TENM2: variants seen among roughly 807,000 people sequenced by gnomAD.
TENM2 encodes teneurin transmembrane protein 2.
TENM2 carries 52 observed loss-of-function variants against 245.2 expected under a neutral mutation model. That is an observed-to-expected ratio of 0.21 (90% confidence interval 0.17 to 0.27). TENM2 has a LOEUF of 0.27. TENM2 is among the 10% of genes least tolerant of loss of function. The pLI is 1.00. For synonymous variants in TENM2, 1,363 were observed against 1,438.9 expected, an observed-to-expected ratio of 0.95 and a Z score of 1.19; for missense variants, 3,046 against 3,666.8, an observed-to-expected ratio of 0.83 and a Z score of 4.37.
chr5:168,004,515 G>GCACACACACACA (rs1442487727), intron 5 of TENM2, among the ~76,000 whole-genome samples: 2 of 73,632 alleles, frequency 2.7e-5, no homozygotes, highest in African/African-American at 1.2e-4. Flanking sequence ...ATGCGCGCGC[G>GCACACACACACA]CGCACACACA....
the TENM2 span, among the ~76,000 whole-genome samples, chr5:167,098,384 A>G: frequency 5.9e-5 from 9 of 152,180 alleles, no homozygotes; most frequent in Non-Finnish European, 1.2e-4. Context: ...TTGAGTGGTC[A>G]GCAAGTCTTA....
intron 2 of TENM2, among the ~76,000 whole-genome samples, chr5:167,589,708 T>C (rs1452860800): frequency 1.3e-5 from 2 of 152,018 alleles, no homozygotes; most frequent in Non-Finnish European, 2.9e-5. Context: ...GGTGAATATT[T>C]AAAAAATAAA....
intron 2 of TENM2, among the ~76,000 whole-genome samples, chr5:167,773,595 T>TCTTA (rs1266966368): frequency 1.3e-5 from 2 of 152,206 alleles, no homozygotes; most frequent in African/African-American, 4.8e-5. Context: ...GGGTGGCCTT[T>TCTTA]CTTACCCTTG....
rs1489775994 is a variant in TENM2, at chr5:167,848,976, A to G, written c.503-27010A>G. ...GTTAGTTTCCTATTGCTGGTGTAACAGATTACCACAGACTTGGTGGTTTAA... is the reference window on the plus strand; with the variant it reads ...GTTAGTTTCCTATTGCTGGTGTAACGGATTACCACAGACTTGGTGGTTTAA... On this transcript the variant is annotated intron_variant, in intron 2 of 28. Coordinates refer to ENST00000518659, the Ensembl canonical transcript of TENM2. Among the ~76,000 whole-genome samples the G allele has an allele frequency of 2.6e-5, 4 of 152,172 alleles. No homozygotes were observed. In the East Asian group the frequency reaches 5.8e-4, roughly 22 times the overall value.
At chr5:168,221,009 G>T (rs1763620112) in intron 23 of TENM2, among the ~76,000 whole-genome samples, 1 of 152,076 alleles carries the variant, frequency 6.6e-6, no homozygotes, top group South Asian at 2.1e-4. Context: ...CTACTTAGGA[G>T]GCAAAGGCAT....
chr5:167,276,654 C>G, the TENM2 span, among the ~76,000 whole-genome samples: 12 of 151,964 alleles, frequency 7.9e-5, no homozygotes, highest in Admixed American at 1.3e-4. Flanking sequence ...ACTCAAGTCT[C>G]TTATATGAAA....
chr5:167,935,691 T>C (rs1407771440), intron 3 of TENM2, among the ~76,000 whole-genome samples: 1 of 152,038 alleles, frequency 6.6e-6, no homozygotes, highest in Non-Finnish European at 1.5e-5. Context: ...TCCAGGATGA[T>C]CTGAGAACTA....
chr5:167,969,414 GCCT>G (rs1781608537), intron 4 of TENM2, among the ~76,000 whole-genome samples: 1 of 152,132 alleles, frequency 6.6e-6, no homozygotes, highest in Non-Finnish European at 1.5e-5. Flanking sequence ...TGACTGTGAG[GCCT>G]CCTCAGCCAT....
chr5:167,632,505 T>C (rs1267778519), intron 2 of TENM2, among the ~76,000 whole-genome samples: 1 of 152,208 alleles, frequency 6.6e-6, no homozygotes, highest in Non-Finnish European at 1.5e-5. Context: ...ATTGCCGCCA[T>C]ATTTAAATCT....
At chr5:168,194,234 A>G (rs1761192617) in intron 14 of TENM2, among the ~76,000 whole-genome samples, 1 of 152,196 alleles carries the variant, frequency 6.6e-6, no homozygotes, top group African/African-American at 2.4e-5. Context: ...CTTGGTGCAG[A>G]AATGGAGCTT....
chr5:167,166,292 A>AT, the TENM2 span, among the ~76,000 whole-genome samples: 2 of 152,068 alleles, frequency 1.3e-5, no homozygotes, highest in Non-Finnish European at 2.9e-5. Context: ...TAAATGCTCT[A>AT]TTTTTTTGGT....
At position 168,226,189 on chromosome 5, in the gene TENM2, A is replaced by C. The variant is rs1352639617; in HGVS notation, c.5210A>C (p.Asn1737Thr). 1 of 1,613,256 alleles carries C rather than the reference A, an allele frequency of 6.2e-7. No homozygotes were observed. The highest frequency in any genetic ancestry group is 1.3e-5 in the African/African-American group (1 of 74,768). The change falls in exon 24 of 29, where the codon AAC (asparagine) becomes ACC (threonine). Residue 1737 changes from asparagine (N) to threonine (T), a missense_variant. Transcript: ENST00000518659. ...AAATCTATTACCATTGACATTGAGA[A>C]CTCCAACCGTGATGATGACGTCACT...
At chr5:168,059,137 A>C (rs1461421697) in intron 6 of TENM2, among the ~76,000 whole-genome samples, 2 of 152,166 alleles carry the variant, frequency 1.3e-5, no homozygotes, top group Non-Finnish European at 2.9e-5. Context: ...GCTGGCTGGT[A>C]GTGGGAGCTA....
the TENM2 span, among the ~76,000 whole-genome samples, chr5:167,055,501 A>G: frequency 6.6e-6 from 1 of 152,124 alleles, no homozygotes; most frequent in African/African-American, 2.4e-5. Context: ...GTTGGGAAGA[A>G]GTGACATTTT....
At chr5:167,765,660 G>A (rs756215142) in intron 2 of TENM2, among the ~76,000 whole-genome samples, 4 of 152,210 alleles carry the variant, frequency 2.6e-5, no homozygotes, top group Non-Finnish European at 5.9e-5. Context: ...GAATTTAAAT[G>A]TATCTCTTGG....
At chr5:167,290,982 G>A (rs1348414708) in intron 1 of TENM2, among the ~76,000 whole-genome samples, 1 of 152,104 alleles carries the variant, frequency 6.6e-6, no homozygotes, top group Non-Finnish European at 1.5e-5. Flanking sequence ...GAGAGTCAAT[G>A]TTTTGGATTT....
At chr5:167,197,201 C>G in the TENM2 span, among the ~76,000 whole-genome samples, 2,601 of 152,158 alleles carry the variant, frequency 0.017, 91 homozygotes, top group East Asian at 0.15. Flanking sequence ...AGTAACCTAA[C>G]AGGGACACAC....
At chr5:168,220,178 C>T (rs1450820815) in intron 23 of TENM2, among the ~76,000 whole-genome samples, 1 of 152,114 alleles carries the variant, frequency 6.6e-6, no homozygotes, top group East Asian at 1.9e-4. Flanking sequence ...GCTCTCATAC[C>T]GAATTAGGCT....
At chr5:167,373,417 T>C (rs1475276769) in intron 1 of TENM2, among the ~76,000 whole-genome samples, 2 of 152,234 alleles carry the variant, frequency 1.3e-5, no homozygotes, top group Admixed American at 6.5e-5. Context: ...TAGATATACG[T>C]AGAGTGGGTA....
Sources: gnomAD v4.1 joint callset for allele counts (sites outside exome capture counted in the v4.1 genomes callset) on GRCh38, gnomAD v4.1.1 for gene constraint, MANE v1.5 for transcripts, NCBI Gene and HGNC (gene_info 2026-07-23, HGNC 2026-07-21) for gene names.